Variants in TFDP2 observed in about 807,000 individuals in gnomAD.
The protein encoded by TFDP2 is transcription factor Dp-2.
Under a neutral mutation model 59.3 loss-of-function variants are expected in TFDP2, and 17 were observed. That is an observed-to-expected ratio of 0.29 (90% confidence interval 0.20 to 0.43). The LOEUF (loss-of-function observed/expected upper bound fraction) is 0.43. Among genes scored for constraint, TFDP2 ranks in the 20% least tolerant of loss-of-function variants. The probability of loss-of-function intolerance (pLI) is 1.00; values close to 1 mark genes in which losing one functional copy is unlikely to be tolerated. For missense variants in TFDP2, 391 were observed against 528.8 expected, an observed-to-expected ratio of 0.74 and a Z score of 2.56; for synonymous variants, 180 against 194.7, an observed-to-expected ratio of 0.92 and a Z score of 0.63.
intron 3 of TFDP2, among the ~76,000 whole-genome samples, chr3:142,020,916 T>C (rs1018439355): frequency 6.6e-6 from 1 of 151,882 alleles, no homozygotes; most frequent in Non-Finnish European, 1.5e-5. Context: ...ACCCAGGAAG[T>C]CGAAGCTGCA....
At chr3:141,992,719 T>A (rs1029288598) in intron 6 of TFDP2, among the ~76,000 whole-genome samples, 4 of 152,176 alleles carry the variant, frequency 2.6e-5, no homozygotes, top group African/African-American at 9.7e-5. Context: ...AGCACTAGTG[T>A]CAGGGCAAGA....
intron 1 of TFDP2, among the ~76,000 whole-genome samples, chr3:142,106,117 A>T (rs922986812): frequency 5.6e-5 from 7 of 125,584 alleles, no homozygotes; most frequent in East Asian, 4.3e-4. Flanking sequence ...AATTGTGGTT[A>T]AAAAAAAAAA....
intron 9 of TFDP2, among the ~76,000 whole-genome samples, chr3:141,966,455 G>A (rs1196762141): frequency 6.6e-6 from 1 of 151,808 alleles, no homozygotes; most frequent in African/African-American, 2.4e-5. Context: ...ACAGACATGA[G>A]CCACTGCACC....
At chr3:141,960,022 A>G (rs576535606) in intron 10 of TFDP2, among the ~76,000 whole-genome samples, 182 bp from the exon 11 acceptor site, 1 of 152,318 alleles carries the variant, frequency 6.6e-6, no homozygotes, top group South Asian at 2.1e-4. Context: ...CAAATAAAAC[A>G]CTTTCCCAAT....
intron 3 of TFDP2, among the ~76,000 whole-genome samples, chr3:142,030,603 C>G (rs79475326): frequency 0.032 from 4,805 of 152,214 alleles, 240 homozygotes; most frequent in African/African-American, 0.11. Flanking sequence ...TTTAACCTGT[C>G]AGATCAGCTA....
chr3:142,065,478 G>C (rs1057016141), intron 3 of TFDP2, among the ~76,000 whole-genome samples: 3 of 151,676 alleles, frequency 2.0e-5, no homozygotes, highest in Non-Finnish European at 2.9e-5. Context: ...AGGAAAGCTA[G>C]AACCATTCAC....
chr3:141,988,136 G>A (rs1458764400), intron 6 of TFDP2, among the ~76,000 whole-genome samples: 1 of 151,968 alleles, frequency 6.6e-6, no homozygotes, highest in Non-Finnish European at 1.5e-5. Flanking sequence ...TCTAGAGATG[G>A]TGTTTTGCCA....
chr3:142,126,797 A>C (rs112230129), intron 1 of TFDP2, among the ~76,000 whole-genome samples: 1,829 of 151,758 alleles, frequency 0.012, 40 homozygotes, highest in African/African-American at 0.042. Flanking sequence ...AAATACAAAA[A>C]TTAGCCAGGC....
chr3:142,021,922 G>A (rs1945644486), intron 3 of TFDP2, among the ~76,000 whole-genome samples: 1 of 152,146 alleles, frequency 6.6e-6, no homozygotes, highest in Non-Finnish European at 1.5e-5. Context: ...GTTTGATACT[G>A]CTGGTTTTTC....
rs1455591435 is a variant in TFDP2 at position 141,946,685 on chromosome 3, C to T, written c.*5828G>A. On this transcript the variant is annotated 3_prime_UTR_variant, in exon 13 of 13. Transcript: ENST00000489671. ...AGACGTTTTGGTTAAGGGACTACTT[C>T]CTGAGAAACGTTATAATTTATGTGG... is the stretch of plus-strand genomic sequence containing the variant. 2.6e-5 allele frequency: 4 copies of T among 152,142 alleles called. No homozygotes were observed. The highest frequency in any genetic ancestry group is 6.6e-5 in the Admixed American group (1 of 15,250). The allele number at this position is 152,142 out of a possible 1,614,324, so 9.4% of individuals were successfully genotyped here.
chr3:142,134,079 A>AC (rs144547783), intron 1 of TFDP2, among the ~76,000 whole-genome samples: 12,563 of 151,296 alleles, frequency 0.083, 680 homozygotes, highest in Middle Eastern at 0.14. Flanking sequence ...AGGAAGCATT[A>AC]TGAAGGCAAC....
At chr3:141,967,631 G>A (rs972427423) in intron 9 of TFDP2, among the ~76,000 whole-genome samples, 1 of 152,106 alleles carries the variant, frequency 6.6e-6, no homozygotes, top group Non-Finnish European at 1.5e-5. Context: ...AAGACCACAA[G>A]TTGATTTCAG....
At chr3:142,033,049 G>A (rs529465982) in intron 3 of TFDP2, among the ~76,000 whole-genome samples, 2 of 152,166 alleles carry the variant, frequency 1.3e-5, no homozygotes, top group Admixed American at 1.3e-4. Context: ...ACAAAAATTA[G>A]CTGGGCATGG....
At chr3:141,969,119 T>G (rs1469034539) in intron 9 of TFDP2, among the ~76,000 whole-genome samples, 1 of 86,760 alleles carries the variant, frequency 1.2e-5, no homozygotes. Flanking sequence ...ATATATGAGA[T>G]ATATATATAA....
chr3:142,115,928 A>G (rs937941947), intron 1 of TFDP2, among the ~76,000 whole-genome samples: 2 of 152,204 alleles, frequency 1.3e-5, no homozygotes, highest in African/African-American at 4.8e-5. Flanking sequence ...TCCAAGTAGG[A>G]TCTGTAGTCC....
rs1325477854 is a variant in TFDP2 at position 141,951,916 on chromosome 3, G to A, written c.*597C>T. 3 of 152,552 alleles carry A rather than the reference G, an allele frequency of 2.0e-5. No individual in the cohort carries two copies. Among genetic ancestry groups the A allele is most frequent in the East Asian group, 1.9e-4 (1 of 5,190 alleles). The allele number at this position is 152,552 out of a possible 1,614,324, so 9.4% of individuals were successfully genotyped here. The stretch of plus-strand genomic sequence containing the variant: ...CTTAAGTACTTAAGAAGTAGCGCTC[G>A]CTCCTTTCTAGAAGCTGTCTAAGGC... On this transcript the variant is annotated 3_prime_UTR_variant, in exon 13 of 13. Transcript: ENST00000489671.
intron 6 of TFDP2, 133 bp from the exon 7 acceptor site, chr3:141,978,815 A>G (rs553198132): frequency 1.6e-6 from 1 of 642,080 alleles, no homozygotes; most frequent in African/African-American, 1.9e-5. Context: ...TTGAATAGAG[A>G]TGAGAAAATG....
chr3:141,987,938 C>CAGAAAAAAAAAAA (rs574138019), intron 6 of TFDP2, among the ~76,000 whole-genome samples: 1 of 129,554 alleles, frequency 7.7e-6, no homozygotes, highest in Non-Finnish European at 1.6e-5. Context: ...GACCCTGCCT[C>CAGAAAAAAAAAAA]AAAAAAAAAA....
chr3:142,129,144 T>C (rs538656607), intron 1 of TFDP2, among the ~76,000 whole-genome samples: 11 of 152,000 alleles, frequency 7.2e-5, no homozygotes, highest in South Asian at 4.2e-4. Flanking sequence ...AGAGCTGGTA[T>C]TGAGGGTTTC....
Sources: allele counts gnomAD v4.1 joint callset (sites outside exome capture counted in the v4.1 genomes callset), GRCh38; gene constraint gnomAD v4.1.1; transcripts MANE v1.5; gene names NCBI Gene and HGNC (gene_info 2026-07-23, HGNC 2026-07-21).